The following EPB41 variants were observed in gnomAD, a reference collection of about 807,000 sequenced individuals.
EPB41 encodes protein 4.1.
In EPB41, 65 loss-of-function variants were observed where a neutral mutation model predicts 108.0. That is an observed-to-expected ratio of 0.60 (90% CI 0.49 to 0.74). The LOEUF (loss-of-function observed/expected upper bound fraction) is 0.74, where lower values mean the gene tolerates loss of function less well. Ranked by LOEUF, EPB41 falls within the 30% of genes least tolerant of loss-of-function variation. The pLI, the probability that EPB41 is intolerant of heterozygous loss-of-function variation, is 0.00. For missense variants in EPB41, 875 were observed against 1,037.0 expected (o/e 0.84, Z 2.15); for synonymous variants, 336 against 358.9 (o/e 0.94, Z 0.72).
rs1671455275 is a variant in EPB41 at position 29,119,120 on chromosome 1, T to G, written c.*2308T>G. 1 of 152,462 alleles carries G rather than the reference T, an allele frequency of 6.6e-6. No homozygotes were observed. The highest frequency in any genetic ancestry group is 2.4e-5 in the African/African-American group (1 of 41,454). The allele number at this position is 152,462 out of a possible 1,614,324, so 9.4% of individuals were successfully genotyped here. A position where few individuals can be genotyped will look rare whatever the true frequency, so the allele number is the denominator to read the frequency against. On this transcript the variant is annotated 3_prime_UTR_variant, in exon 21 of 21. Coordinates refer to ENST00000343067, the MANE Select transcript of EPB41 (RefSeq NM_001376013.1). ...ACCAACTCACTTCTCTCGGCTTCGT[T>G]GTCTGTAAATTGGATGAAAAGAGCT...
chr1:29,051,370 ATT>A (rs1644489996), intron 11 of EPB41, among the ~76,000 whole-genome samples: 1 of 151,688 alleles, frequency 6.6e-6, no homozygotes, highest in African/African-American at 2.4e-5. Flanking sequence ...AAGTGCTGGG[ATT>A]ACAGGTGTGA....
chr1:29,039,454 G>A, intron 11 of EPB41, 28 bp downstream of exon 11: 1 of 1,612,050 alleles, frequency 6.2e-7, no homozygotes, highest in African/African-American at 1.3e-5. Flanking sequence ...ATGATTTCTT[G>A]TGATCATAAT....
chr1:29,110,630 C>T lies in EPB41; in HGVS notation c.2415+1193C>T, dbSNP rs369952998. ...TTTGCTGTAACACTAGAGGAAAATA[C>T]TTTTTTTAATAGGTAAGAAATATAG... On this transcript the variant is annotated intron_variant, in intron 18 of 20. Coordinates refer to ENST00000343067, the MANE Select transcript of EPB41 (RefSeq NM_001376013.1). Among the ~76,000 whole-genome samples the T allele has an allele frequency of 2.0e-5, 3 of 152,164 alleles. No individual in the cohort carries two copies. In the East Asian group the frequency reaches 5.8e-4, roughly 29 times the overall value.
At position 28,978,720 on chromosome 1, in the gene EPB41, A is replaced by G. The variant is rs1056442796; in HGVS notation, c.-7-8711A>G. Among the ~76,000 whole-genome samples, 6 of 151,392 alleles carry G rather than the reference A, an allele frequency of 4.0e-5. 1 individual carries two copies. The highest frequency in any genetic ancestry group is 1.5e-4 in the African/African-American group (6 of 40,816). ...ATTAAATTGGCTGGGGGGCCCGGAA[A>G]GAACAAATAGAGAAGACACGTGTCT... On this transcript the variant is annotated intron_variant, in intron 1 of 20. Coordinates refer to ENST00000343067, the MANE Select transcript of EPB41 (RefSeq NM_001376013.1).
At chr1:28,888,111 G>A (rs952072531) in intron 1 of EPB41, among the ~76,000 whole-genome samples, 3 of 152,222 alleles carry the variant, frequency 2.0e-5, no homozygotes, top group Non-Finnish European at 2.9e-5. Flanking sequence ...GGAGGAGAGA[G>A]GAGGGTTGGG....
At chr1:28,981,334 C>T (rs942462267) in intron 1 of EPB41, among the ~76,000 whole-genome samples, 3 of 151,868 alleles carry the variant, frequency 2.0e-5, no homozygotes, top group South Asian at 2.1e-4. Context: ...CCATGTATGT[C>T]GAATCATAGA....
chr1:29,039,602 C>G (rs1040439183), intron 11 of EPB41, among the ~76,000 whole-genome samples, 176 bp downstream of exon 11: 5 of 152,112 alleles, frequency 3.3e-5, no homozygotes, highest in African/African-American at 1.2e-4. Flanking sequence ...TGCCTGAGCT[C>G]AGGAGTTTGA....
chr1:29,042,991 A>G (rs539579114), intron 11 of EPB41, among the ~76,000 whole-genome samples: 1 of 152,318 alleles, frequency 6.6e-6, no homozygotes, highest in African/African-American at 2.4e-5. Context: ...TTTCAGATAC[A>G]TATTTATTAC....
At chr1:28,990,783 T>C (rs1253303526) in intron 2 of EPB41, among the ~76,000 whole-genome samples, 1 of 152,180 alleles carries the variant, frequency 6.6e-6, no homozygotes, top group African/African-American at 2.4e-5. Context: ...TATCTTGTTT[T>C]AGTTAACATT....
rs376596030 is a variant in EPB41 at position 28,968,017 on chromosome 1, C to A, written c.-7-19414C>A. On this transcript the variant is annotated intron_variant, in intron 1 of 20. Transcript: ENST00000343067. The stretch of plus-strand genomic sequence containing the variant: ...ACAGGTTTTTACCATGTTGGCCAGA[C>A]TATTGGCCATTATTTTTGTAGATAT... Among the ~76,000 whole-genome samples, 4 of 152,068 alleles carry A rather than the reference C, an allele frequency of 2.6e-5. No individual in the cohort carries two copies. The South Asian group carries it at 8.3e-4, about 32-fold the overall frequency.
intron 14 of EPB41, among the ~76,000 whole-genome samples, chr1:29,059,876 G>C (rs1165615176): frequency 1.3e-5 from 2 of 152,094 alleles, no homozygotes; most frequent in East Asian, 3.9e-4. Context: ...GAATCAGTCT[G>C]AATCAGTTAA....
intron 15 of EPB41, 136 bp from the exon 16 acceptor site, chr1:29,064,846 T>C: frequency 9.1e-7 from 1 of 1,098,142 alleles, no homozygotes; most frequent in Non-Finnish European, 1.3e-6. Context: ...ATATTTATAA[T>C]CTGAATGCAG....
intron 16 of EPB41, chr1:29,069,244 A>G (rs1650050726): frequency 8.1e-7 from 1 of 1,231,588 alleles, no homozygotes; most frequent in Non-Finnish European, 1.0e-6. Context: ...AACTGATCAG[A>G]GAAGGCTAGC....
intron 15 of EPB41, among the ~76,000 whole-genome samples, chr1:29,061,267 A>G: frequency 6.6e-6 from 1 of 151,724 alleles, no homozygotes; most frequent in East Asian, 1.9e-4. Context: ...TAAAATTTTT[A>G]TTTTATTTTA....
At chr1:29,072,444 T>G (rs1490821225) in intron 16 of EPB41, 1 of 152,226 alleles carries the variant, frequency 6.6e-6, no homozygotes, top group Non-Finnish European at 1.5e-5. Context: ...CTGTTTCAGA[T>G]TATAATTCCT....
intron 1 of EPB41, among the ~76,000 whole-genome samples, chr1:28,893,065 G>A (rs1266668041): frequency 1.3e-5 from 2 of 152,092 alleles, no homozygotes; most frequent in African/African-American, 4.8e-5. Context: ...GCCTCCCAAA[G>A]TGCTGGGATT....
At position 28,899,887 on chromosome 1, in the gene EPB41, C is replaced by T. The variant is rs144638794; in HGVS notation, c.-8+12677C>T. On this transcript the variant is annotated intron_variant, in intron 1 of 16. Coordinates refer to the EPB41 transcript ENST00000347529. ...GACTTTGGTTTAAATCCCAGCTTCACCCCTTACCAGCTGTGAGACCTCTAG... is the reference window on the plus strand; with the variant it reads ...GACTTTGGTTTAAATCCCAGCTTCATCCCTTACCAGCTGTGAGACCTCTAG... Among the ~76,000 whole-genome samples the T allele has an allele frequency of 3.3e-5, 5 of 152,314 alleles. No homozygotes were observed. The East Asian group carries it at 9.6e-4, about 29-fold the overall frequency.
At chr1:28,958,781 T>A (rs1343795782) in intron 1 of EPB41, among the ~76,000 whole-genome samples, 1 of 129,486 alleles carries the variant, frequency 7.7e-6, no homozygotes, top group Non-Finnish European at 1.5e-5. Flanking sequence ...ATTGTGCCAC[T>A]GCACTCCAGC....
chr1:29,058,508 T>C (rs915203294), intron 12 of EPB41, 81 bp from the exon 13 acceptor site: 8 of 1,253,222 alleles, frequency 6.4e-6, no homozygotes, highest in African/African-American at 5.9e-5. Context: ...AGCTTAAAGA[T>C]GCAGCTTATT....
Sources: gnomAD v4.1 joint callset for allele counts (sites outside exome capture counted in the v4.1 genomes callset) on GRCh38, gnomAD v4.1.1 for gene constraint, MANE v1.5 for transcripts, NCBI Gene and HGNC (gene_info 2026-07-23, HGNC 2026-07-21) for gene names.